Variants in POLR3E observed in about 807,000 individuals in gnomAD.
POLR3E encodes RNA polymerase III subunit E, also known as DNA-directed RNA polymerase III subunit RPC5.
In POLR3E, 41 loss-of-function variants were observed where a neutral mutation model predicts 96.6. That is an observed-to-expected ratio of 0.42 (90% confidence interval 0.33 to 0.55). POLR3E has a LOEUF of 0.55. Among genes scored for constraint, POLR3E ranks in the 20% least tolerant of loss-of-function variants. The probability of loss-of-function intolerance (pLI) is 0.06; values close to 1 mark genes in which losing one functional copy is unlikely to be tolerated. For synonymous variants in POLR3E, 396 were observed against 383.6 expected (o/e 1.03, Z -0.38); for missense variants, 849 against 952.1 (o/e 0.89, Z 1.43).
rs2048365691 is a variant in POLR3E at position 22,316,836 on chromosome 16, G to A, written c.728+150G>A. ...TGGAGAAGGCCAGGAGGGTGGGCCT[G>A]GAAAGAGATGGTCCACTTTTCTGCA... On this transcript the variant is annotated intron_variant, in intron 10 of 20. Coordinates refer to ENST00000299853, the MANE Select transcript of POLR3E (RefSeq NM_018119.4). 13 of 968,828 alleles carry A rather than the reference G, an allele frequency of 1.3e-5. No homozygotes were observed. In the South Asian group the frequency reaches 1.7e-4, roughly 12 times the overall value. 60.0% of individuals were successfully genotyped at this position (968,828 alleles called of 1,614,324 possible). A position where few individuals can be genotyped will look rare whatever the true frequency, so the allele number is the denominator to read the frequency against.
In POLR3E at chr16:22,325,895, G is replaced by T; in HGVS notation, c.1483G>T (p.Val495Leu). The part of the protein sequence containing the change: ...QLRVPAVPPG[V>L]RIKEEPVSEE... ...GCGGGTGCCTGCGGTCCCGCCCGGT[G>T]TGCGGATCAAGGAGGAGCCCGTGAG... Residue 495 changes from valine to leucine, a missense_variant, in exon 18 of 21, where the codon GTG (valine) becomes TTG (leucine). Val to Leu is a conservative substitution (Grantham distance 32, BLOSUM62 1). Transcript: ENST00000299853. 1 of 1,608,338 alleles carries T rather than the reference G, an allele frequency of 6.2e-7. No homozygotes were observed. The highest frequency in any genetic ancestry group is 8.5e-7 in the Non-Finnish European group (1 of 1,177,414).
At chr16:22,326,802 C>G (rs1481589197) in intron 18 of POLR3E, 1 of 169,408 alleles carries the variant, frequency 5.9e-6, no homozygotes, top group Admixed American at 5.8e-5. Flanking sequence ...CTAAGATGAG[C>G]TGCTTCCCCA....
rs1454643460 is a variant in POLR3E, at chr16:22,315,134, G to T, written c.568G>T (p.Val190Leu). ...PESEQARQRRVQSYEFLQKKH... is the reference protein window; with the variant it reads ...PESEQARQRRLQSYEFLQKKH... ...GTCAGAGCAGGCCCGCCAGCGCCGTGTGCAGTCCTATGAGTTCCTGCAGAA... is the reference window on the plus strand; with the variant it reads ...GTCAGAGCAGGCCCGCCAGCGCCGTTTGCAGTCCTATGAGTTCCTGCAGAA... Residue 190 changes from valine to leucine, a missense_variant, in exon 9 of 21, where the codon GTG (valine) becomes TTG (leucine). Coordinates refer to ENST00000299853, the MANE Select transcript of POLR3E (RefSeq NM_018119.4). 6.2e-7 allele frequency: 1 copy of T among 1,613,198 alleles called. No individual in the cohort carries two copies. Among genetic ancestry groups the T allele is most frequent in the Admixed American group, 1.7e-5 (1 of 59,954 alleles).
At chr16:22,304,347 G>T (rs1047682248) in intron 2 of POLR3E, among the ~76,000 whole-genome samples, 8 of 151,892 alleles carry the variant, frequency 5.3e-5, no homozygotes, top group Non-Finnish European at 1.2e-4. Flanking sequence ...TATTAGATGT[G>T]AGTTATTTAG....
At chr16:22,321,483 G>A (rs981251252) in intron 13 of POLR3E, among the ~76,000 whole-genome samples, 1 of 152,182 alleles carries the variant, frequency 6.6e-6, no homozygotes, top group Non-Finnish European at 1.5e-5. Context: ...TTTGTTACAC[G>A]TTTTCATCAT....
In POLR3E at chr16:22,318,127, T is replaced by G. The variant is rs947227131; in HGVS notation, c.866-699T>G. ...TTTTTTTTTTTTGAGACAGTCTTGC[T>G]CTGTCACCCAGGCTGGAGTGCAGTG... On this transcript the variant is annotated intron_variant, in intron 12 of 20. Transcript: ENST00000299853. The surrounding 1 kb of genome is among the most constrained non-coding windows in gnomAD (Gnocchi z 5.0). Among the ~76,000 whole-genome samples, 1 of 151,614 alleles carries G rather than the reference T, an allele frequency of 6.6e-6. No individual in the cohort carries two copies. The highest frequency in any genetic ancestry group is 2.4e-5 in the African/African-American group (1 of 41,150).
rs2048586171 is a variant in POLR3E, at chr16:22,326,142, C to T, written c.1730C>T (p.Thr577Met). The T allele has an allele frequency of 1.9e-6, 3 of 1,614,006 alleles. No homozygotes were observed. Among genetic ancestry groups the T allele is most frequent in the Non-Finnish European group, 2.5e-6 (3 of 1,180,014 alleles). Residue 577 changes from threonine (T) to methionine (M), a missense_variant, in exon 18 of 21, where the codon ACG becomes ATG. Physicochemically the swap from Thr to Met is moderately conservative, Grantham distance 81. Transcript: ENST00000299853. Reference sequence around the variant, plus strand: ...ACCTTTCAGAGACAGTTTGTGCTCACGCTGAGCGAACTCAAGCGCCTCTTC... The same window carrying T: ...ACCTTTCAGAGACAGTTTGTGCTCATGCTGAGCGAACTCAAGCGCCTCTTC... Reference protein sequence around the residue: ...EATFQRQFVLTLSELKRLFNL... With the variant: ...EATFQRQFVLMLSELKRLFNL...
In POLR3E at chr16:22,325,955, G is replaced by C. The variant is rs752474199; in HGVS notation, c.1543G>C (p.Glu515Gln). Residue 515 changes from glutamate (E) to glutamine (Q), a missense_variant, in exon 18 of 21, where the codon GAG becomes CAG. Glu to Gln is a conservative substitution (Grantham distance 29, BLOSUM62 2). Transcript: ENST00000299853. ...CGAGGAGGACGAGGAGCAGGAGGCG[G>C]AGGAGGAGCCCATGGACACTTCCCC... ...EGEEDEEQEA[E>Q]EEPMDTSPSG... The C allele has an allele frequency of 6.3e-7, 1 of 1,592,112 alleles. No individual in the cohort carries two copies. The highest frequency in any genetic ancestry group is 1.8e-5 in the Admixed American group (1 of 55,678).
rs745651906 is a variant in POLR3E at position 22,332,042 on chromosome 16, G to A, written c.1945-18G>A. ...TTAGATCACTGTTTCCCATCATAAC[G>A]TGTTTTTGCTACTAAAGCATCGACA... On this transcript the variant is annotated intron_variant, in intron 19 of 20. Coordinates refer to ENST00000299853, the MANE Select transcript of POLR3E (RefSeq NM_018119.4). 10 of 1,611,372 alleles carry A rather than the reference G, an allele frequency of 6.2e-6. No homozygotes were observed. Among genetic ancestry groups the A allele is most frequent in the East Asian group, 4.5e-5 (2 of 44,790 alleles).
In POLR3E at chr16:22,309,184, A is replaced by T. The variant is rs2048193650; in HGVS notation, c.281+144A>T. 9.1e-6 allele frequency: 6 copies of T among 660,300 alleles called. No individual in the cohort carries two copies. The Admixed American group carries it at 1.6e-4, about 17-fold the overall frequency. 40.9% of individuals were successfully genotyped at this position (660,300 alleles called of 1,614,324 possible). A position where few individuals can be genotyped will look rare whatever the true frequency, so the allele number is the denominator to read the frequency against. On this transcript the variant is annotated intron_variant, in intron 5 of 20. Coordinates refer to ENST00000299853, the MANE Select transcript of POLR3E (RefSeq NM_018119.4). ...CTTTGGAGGGCTGGGCCTGTCTCAG[A>T]CTCTGCCCTCCTGAACTAGCTGGTC...
chr16:22,302,132 G>A (rs541753498), intron 1 of POLR3E, among the ~76,000 whole-genome samples: 18 of 152,048 alleles, frequency 1.2e-4, no homozygotes, highest in African/African-American at 4.3e-4. Flanking sequence ...CCCCTCTGTT[G>A]TCATGACTTG....
At chr16:22,330,369 GCCA>G (rs2048711675) in intron 19 of POLR3E, among the ~76,000 whole-genome samples, 1 of 152,170 alleles carries the variant, frequency 6.6e-6, no homozygotes, top group African/African-American at 2.4e-5. Flanking sequence ...ACAAGCGTGA[GCCA>G]CCACACCAGG....
rs1488108531 is a variant in POLR3E at position 22,309,414 on chromosome 16, T to C, written c.282-14T>C. 3.1e-6 allele frequency: 5 copies of C among 1,606,838 alleles called. No homozygotes were observed. The African/African-American group carries it at 6.7e-5, about 21-fold the overall frequency. ...CTGCCTTCCCCTGTGACGTTGCTTC[T>C]CCCTGTGCTCCAGGAAGCTGATGGA... On this transcript the variant is annotated splice_polypyrimidine_tract_variant and intron_variant, in intron 5 of 20. Coordinates refer to ENST00000299853, the MANE Select transcript of POLR3E (RefSeq NM_018119.4).
At chr16:22,317,847 T>C (rs1278608140) in intron 12 of POLR3E, among the ~76,000 whole-genome samples, 1 of 151,992 alleles carries the variant, frequency 6.6e-6, no homozygotes, top group Non-Finnish European at 1.5e-5. Flanking sequence ...TCACTGGCAT[T>C]GCTTCTGGGT....
intron 5 of POLR3E, 117 bp downstream of exon 5, chr16:22,309,157 G>T (rs2048193283): frequency 2.8e-6 from 2 of 722,312 alleles, no homozygotes; most frequent in Admixed American, 4.9e-5. Flanking sequence ...CAGTGTCCCA[G>T]CCTTTGGAGG....
intron 3 of POLR3E, among the ~76,000 whole-genome samples, chr16:22,307,568 G>A (rs999027331): frequency 5.3e-5 from 8 of 152,170 alleles, no homozygotes; most frequent in African/African-American, 1.9e-4. Flanking sequence ...ATTGCTGTGT[G>A]AGCCATTCAC....
Position 22,315,223 on chromosome 16 carries a change from G to C in POLR3E, c.642+15G>C, listed in dbSNP as rs751341681. 14 of 1,571,528 alleles carry C rather than the reference G, an allele frequency of 8.9e-6. No individual in the cohort carries two copies. In the Middle Eastern group the frequency reaches 8.3e-4, roughly 93 times the overall value. The stretch of plus-strand genomic sequence containing the variant: ...ATGGCCTGAGGGTGAGCGGGGCTTC[G>C]TGGGGTCCTGGGGGAAACACCTCGG... On this transcript the variant is annotated intron_variant, in intron 9 of 20. Transcript: ENST00000299853.
At chr16:22,309,092 C>T in intron 5 of POLR3E, 52 bp downstream of exon 5, 2 of 1,270,640 alleles carry the variant, frequency 1.6e-6, no homozygotes, top group Non-Finnish European at 2.3e-6. Flanking sequence ...ACACAGGAGC[C>T]TCCAAAAGAC....
Position 22,316,987 on chromosome 16 carries a change from C to A in POLR3E, c.729-8C>A. ...CCCTGAGCCTCTGCCCCTGCCATGT[C>A]CCTGCAGTGAGTACCTGATGATGCT... On this transcript the variant is annotated splice_polypyrimidine_tract_variant and splice_region_variant and intron_variant, in intron 10 of 20. Transcript: ENST00000299853. The A allele has an allele frequency of 1.9e-6, 3 of 1,613,988 alleles. No individual in the cohort carries two copies. Among genetic ancestry groups the A allele is most frequent in the Non-Finnish European group, 2.5e-6 (3 of 1,179,838 alleles).
Sources: allele counts gnomAD v4.1 joint callset (sites outside exome capture counted in the v4.1 genomes callset), GRCh38; gene constraint gnomAD v4.1.1; non-coding constraint Gnocchi (gnomAD v3.1); transcripts MANE v1.5; gene names NCBI Gene and HGNC (gene_info 2026-07-23, HGNC 2026-07-21).